Variants in LRRC49 observed in about 807,000 individuals in gnomAD.
LRRC49 encodes leucine rich repeat containing 49.
In LRRC49, 50 loss-of-function variants were observed where a neutral mutation model predicts 83.3. The observed-to-expected ratio is 0.60, with a 90% confidence interval of 0.48 to 0.76. The LOEUF (loss-of-function observed/expected upper bound fraction) is 0.76. LRRC49 is among the 30% of genes least tolerant of loss of function. The pLI, the probability that LRRC49 is intolerant of heterozygous loss-of-function variation, is 0.00. For missense variants in LRRC49, 704 were observed against 809.1 expected (o/e 0.87, Z 1.58); for synonymous variants, 286 against 283.3 (o/e 1.01, Z -0.10).
intron 8 of LRRC49, among the ~76,000 whole-genome samples, chr15:70,962,274 G>A (rs2036628554): frequency 6.6e-6 from 1 of 152,172 alleles, no homozygotes; most frequent in Non-Finnish European, 1.5e-5. Flanking sequence ...TAGAGTTGGA[G>A]ACATCAGTAT....
intron 1 of LRRC49, among the ~76,000 whole-genome samples, chr15:70,872,615 C>T (rs910562808): frequency 2.6e-5 from 4 of 151,960 alleles, no homozygotes; most frequent in African/African-American, 7.3e-5. Context: ...AGTTGTGATA[C>T]GCTTTAGGGT....
intron 3 of LRRC49, among the ~76,000 whole-genome samples, chr15:70,898,656 G>T (rs182391399): frequency 1.3e-5 from 2 of 152,068 alleles, no homozygotes; most frequent in African/African-American, 4.8e-5. Flanking sequence ...GGTGGCACAT[G>T]CCTGTAGTCC....
rs2034829652 is a variant in LRRC49 at position 70,917,460 on chromosome 15, C to T, written c.568-1590C>T. Among the ~76,000 whole-genome samples the T allele has an allele frequency of 2.0e-5, 3 of 152,246 alleles. No individual in the cohort carries two copies. The South Asian group carries it at 6.2e-4, about 32-fold the overall frequency. On this transcript the variant is annotated intron_variant, in intron 6 of 15. Transcript: ENST00000260382. ...TTGGGATAACCAGCTGTAGAGAGGA[C>T]CAAAGTACTCTAGGGCCCTCTCTCT...
intron 2 of LRRC49, chr15:70,873,340 T>G: frequency 1.7e-6 from 2 of 1,183,962 alleles, no homozygotes; most frequent in Admixed American, 2.0e-5. Flanking sequence ...TATACAAGAA[T>G]GAAAAACTGA....
intron 11 of LRRC49, among the ~76,000 whole-genome samples, chr15:70,984,802 C>T (rs1281750794): frequency 7.4e-6 from 1 of 134,964 alleles, no homozygotes; most frequent in Admixed American, 8.3e-5. Context: ...ACAACAGTCC[C>T]CAGAGTGTGA....
At chr15:70,859,260 T>G in intron 1 of LRRC49, 25 of 854,462 alleles carry the variant, frequency 2.9e-5, no homozygotes, top group Non-Finnish European at 4.9e-5. Flanking sequence ...GAGGATGAGA[T>G]CAATAAGCGT....
At chr15:70,941,289 C>T (rs2035804337) in intron 8 of LRRC49, among the ~76,000 whole-genome samples, 1 of 152,154 alleles carries the variant, frequency 6.6e-6, no homozygotes, top group South Asian at 2.1e-4. Context: ...ATTTGAAACA[C>T]AGCACTTATA....
At chr15:70,940,684 G>A (rs1244913369) in intron 8 of LRRC49, among the ~76,000 whole-genome samples, 2 of 152,168 alleles carry the variant, frequency 1.3e-5, no homozygotes, top group Non-Finnish European at 2.9e-5. Flanking sequence ...CTTAGTTCTA[G>A]TATGCAGCAT....
At chr15:71,038,293 A>G (rs1567112246) in intron 15 of LRRC49, among the ~76,000 whole-genome samples, 1 of 152,142 alleles carries the variant, frequency 6.6e-6, no homozygotes, top group East Asian at 1.9e-4. Flanking sequence ...TATACTGTAG[A>G]TGTGAAATGG....
At chr15:70,880,713 TAAGTG>T (rs2033246314) in intron 2 of LRRC49, among the ~76,000 whole-genome samples, 2 of 151,858 alleles carry the variant, frequency 1.3e-5, no homozygotes, top group African/African-American at 4.8e-5. Flanking sequence ...AGAAGAAAAC[TAAGTG>T]AAGAGTAAAA....
chr15:70,911,385 G>T, intron 5 of LRRC49, 147 bp from the exon 6 acceptor site: 1 of 405,706 alleles, frequency 2.5e-6, no homozygotes, highest in Non-Finnish European at 4.5e-6. Context: ...TAAATCAGAG[G>T]GAAATATATT....
At chr15:70,906,542 G>A (rs1344691681) in intron 5 of LRRC49, among the ~76,000 whole-genome samples, 2 of 152,076 alleles carry the variant, frequency 1.3e-5, no homozygotes, top group Non-Finnish European at 2.9e-5. Context: ...ACTTTCTCTC[G>A]TATTTAAGCA....
chr15:70,878,592 A>G (rs2033200357), intron 2 of LRRC49, among the ~76,000 whole-genome samples: 1 of 152,234 alleles, frequency 6.6e-6, no homozygotes, highest in Admixed American at 6.5e-5. Flanking sequence ...GCATACATTC[A>G]TGGCTGCTAT....
At chr15:70,854,834 T>C (rs1332177338) in intron 1 of LRRC49, among the ~76,000 whole-genome samples, 1 of 152,182 alleles carries the variant, frequency 6.6e-6, no homozygotes, top group African/African-American at 2.4e-5. Flanking sequence ...TAGGTGATGC[T>C]GAAGTTCACA....
intron 2 of LRRC49, among the ~76,000 whole-genome samples, chr15:70,878,752 C>G (rs1252358225): frequency 5.3e-5 from 8 of 152,128 alleles, no homozygotes; most frequent in Non-Finnish European, 8.8e-5. Flanking sequence ...TGGTGAATTA[C>G]ATTGATTGGT....
rs573621926 is a variant in LRRC49, at chr15:71,028,349, GTATTA to G, written c.1704-8825_1704-8821del. ...ATGTCCTGCTGGATTCAGTTGGCCAGTATTATATTGAGGATTTTTGTATCAATGTT... is the reference window on the plus strand; with the variant it reads ...ATGTCCTGCTGGATTCAGTTGGCCAGTATTGAGGATTTTTGTATCAATGTT... On this transcript the variant is annotated intron_variant, in intron 14 of 15. Transcript: ENST00000260382. 7.2e-3 allele frequency among the ~76,000 whole-genome samples: 1,093 copies of G among 152,256 alleles called. 13 individuals are homozygous for G. The highest frequency in any genetic ancestry group is 0.025 in the African/African-American group (1,043 of 41,540).
chr15:70,901,396 C>T (rs114962151), intron 4 of LRRC49, among the ~76,000 whole-genome samples: 2 of 152,284 alleles, frequency 1.3e-5, no homozygotes, highest in African/African-American at 4.8e-5. Flanking sequence ...CCTACACTCT[C>T]CTTCACTCAC....
At chr15:71,048,833 CGTCCTGG>C in intron 15 of LRRC49, 1 of 456,008 alleles carries the variant, frequency 2.2e-6, no homozygotes, top group Non-Finnish European at 4.4e-6. Context: ...TAGAAGGCAA[CGTCCTGG>C]GTCCCAGGTT....
chr15:70,868,398 T>C (rs530286069), intron 1 of LRRC49, among the ~76,000 whole-genome samples: 3 of 152,350 alleles, frequency 2.0e-5, no homozygotes, highest in African/African-American at 7.2e-5. Flanking sequence ...CTTATACTTA[T>C]GTTACATCAC....
Sources: gnomAD v4.1 joint callset for allele counts (sites outside exome capture counted in the v4.1 genomes callset) on GRCh38, gnomAD v4.1.1 for gene constraint, MANE v1.5 for transcripts, NCBI Gene and HGNC (gene_info 2026-07-23, HGNC 2026-07-21) for gene names.